Variants in BACE2 observed in about 807,000 individuals in gnomAD.
BACE2 encodes the protein 56 kDa aspartic-like protease.
Under a neutral mutation model 46.2 loss-of-function variants are expected in BACE2, and 17 were observed. The ratio of observed to expected loss-of-function variants is 0.37; its 90% CI spans 0.25 to 0.55. BACE2 has a LOEUF of 0.55. Ranked by LOEUF, BACE2 falls within the 20% of genes least tolerant of loss-of-function variation. BACE2 has a pLI of 0.82. For missense variants in BACE2, 595 were observed against 698.1 expected, an observed-to-expected ratio of 0.85 and a Z score of 1.66; for synonymous variants, 277 against 295.9, an observed-to-expected ratio of 0.94 and a Z score of 0.66.
intron 8 of BACE2, among the ~76,000 whole-genome samples, chr21:41,264,562 GCA>G (rs1156738424): frequency 6.6e-6 from 1 of 152,074 alleles, no homozygotes; most frequent in Non-Finnish European, 1.5e-5. Context: ...AGGGAAGCAG[GCA>G]CAGTCTTCAC....
At chr21:41,197,901 T>C (rs888511859) in intron 1 of BACE2, among the ~76,000 whole-genome samples, 2 of 152,216 alleles carry the variant, frequency 1.3e-5, no homozygotes, top group Non-Finnish European at 2.9e-5. Context: ...GTGTGTTTTA[T>C]AAATTTCAAA....
chr21:41,241,167 C>G (rs962739004), intron 3 of BACE2, among the ~76,000 whole-genome samples: 7 of 152,206 alleles, frequency 4.6e-5, no homozygotes, highest in Non-Finnish European at 8.8e-5. Context: ...TGAGGGCATC[C>G]TCTGTATGTC....
At chr21:41,206,637 G>A (rs1369992268) in intron 1 of BACE2, among the ~76,000 whole-genome samples, 2 of 152,230 alleles carry the variant, frequency 1.3e-5, no homozygotes, top group African/African-American at 2.4e-5. Flanking sequence ...CAGGAATGGA[G>A]AGTGAGGAGT....
intron 1 of BACE2, among the ~76,000 whole-genome samples, chr21:41,201,841 G>T (rs1985976548): frequency 6.6e-6 from 1 of 152,118 alleles, no homozygotes; most frequent in Non-Finnish European, 1.5e-5. Context: ...AATTGATGAG[G>T]GTTTTAAGCA....
chr21:41,265,180 T>C (rs1271565231), intron 8 of BACE2, among the ~76,000 whole-genome samples: 1 of 152,108 alleles, frequency 6.6e-6, no homozygotes, highest in Non-Finnish European at 1.5e-5. Context: ...TTCCTTTTTT[T>C]TTTTTTTCAA....
intron 1 of BACE2, among the ~76,000 whole-genome samples, chr21:41,195,718 G>A (rs767834071): frequency 1.3e-5 from 2 of 152,134 alleles, no homozygotes; most frequent in Non-Finnish European, 2.9e-5. Flanking sequence ...AAGCAGGCCC[G>A]TCACGTTGGA....
intron 4 of BACE2, among the ~76,000 whole-genome samples, chr21:41,242,774 T>G (rs1987341386): frequency 6.6e-6 from 1 of 152,198 alleles, no homozygotes; most frequent in Non-Finnish European, 1.5e-5. Context: ...ATCTCAATAT[T>G]GTAAAGCTAA....
At chr21:41,225,482 T>G (rs943340431) in intron 1 of BACE2, 11 of 152,152 alleles carry the variant, frequency 7.2e-5, no homozygotes, top group African/African-American at 2.4e-4. Context: ...AAAGACAAGT[T>G]GCACTTAAGA....
chr21:41,203,492 G>A (rs1020914213), intron 1 of BACE2, among the ~76,000 whole-genome samples: 1 of 152,124 alleles, frequency 6.6e-6, no homozygotes, highest in Non-Finnish European at 1.5e-5. Context: ...GGAAGGTGGG[G>A]GAGTGCTATT....
chr21:41,197,747 C>A (rs925684574), intron 1 of BACE2, among the ~76,000 whole-genome samples: 30 of 152,102 alleles, frequency 2.0e-4, no homozygotes, highest in Admixed American at 1.8e-3. Flanking sequence ...TATTCCTAAT[C>A]TCCATTTTAC....
intron 1 of BACE2, chr21:41,186,627 CT>C (rs1377767089): frequency 6.6e-6 from 1 of 152,278 alleles, no homozygotes; most frequent in African/African-American, 2.4e-5. Context: ...AGCCCCAAGA[CT>C]GGGGCTTAGC....
intron 1 of BACE2, among the ~76,000 whole-genome samples, chr21:41,207,481 G>C (rs1986165611): frequency 6.6e-6 from 1 of 152,158 alleles, no homozygotes; most frequent in Non-Finnish European, 1.5e-5. Flanking sequence ...TCATTCGTTA[G>C]TCAGTAGGAT....
At chr21:41,179,017 G>T in intron 1 of BACE2, 2 of 1,018,962 alleles carry the variant, frequency 2.0e-6, no homozygotes, top group Non-Finnish European at 2.6e-6. Context: ...TGAGCCTTCA[G>T]AAGTTAGGGA....
At chr21:41,251,911 C>T (rs986919755) in intron 7 of BACE2, among the ~76,000 whole-genome samples, 1 of 152,170 alleles carries the variant, frequency 6.6e-6, no homozygotes, top group Non-Finnish European at 1.5e-5. Flanking sequence ...CACTGACTCC[C>T]TCTTTATCCT....
chr21:41,219,958 G>A (rs1479297371), intron 1 of BACE2, among the ~76,000 whole-genome samples: 1 of 152,202 alleles, frequency 6.6e-6, no homozygotes, highest in Non-Finnish European at 1.5e-5. Flanking sequence ...ACCCCAGAGT[G>A]AGGGCCCAGT....
At chr21:41,255,007 C>G (rs1987741007) in intron 7 of BACE2, among the ~76,000 whole-genome samples, 1 of 152,194 alleles carries the variant, frequency 6.6e-6, no homozygotes, top group South Asian at 2.1e-4. Context: ...TGATTTGATT[C>G]CGCTTCGGTT....
At chr21:41,180,019 A>C (rs1985054748) in intron 1 of BACE2, 1 of 336,254 alleles carries the variant, frequency 3.0e-6, no homozygotes, top group African/African-American at 2.2e-5. Context: ...CAGCAGCAGC[A>C]GAGGCGCTGC....
chr21:41,222,561 A>T (rs73902960), intron 1 of BACE2, among the ~76,000 whole-genome samples: 1 of 152,232 alleles, frequency 6.6e-6, no homozygotes, highest in South Asian at 2.1e-4. Context: ...ATGTCAGGGC[A>T]TGGCGAGTGA....
chr21:41,233,825 G>A (rs980761575), intron 2 of BACE2, among the ~76,000 whole-genome samples: 2 of 152,200 alleles, frequency 1.3e-5, no homozygotes, highest in African/African-American at 4.8e-5. Flanking sequence ...GCTGGGCATG[G>A]TGGCATGCGC....
Sources: allele counts gnomAD v4.1 joint callset (sites outside exome capture counted in the v4.1 genomes callset), GRCh38; gene constraint gnomAD v4.1.1; transcripts MANE v1.5; gene names NCBI Gene and HGNC (gene_info 2026-07-23, HGNC 2026-07-21).